Variants in RRP7A observed in about 807,000 individuals in gnomAD.
RRP7A encodes ribosomal RNA-processing protein 7 homolog A.
A neutral mutation model predicts 38.4 loss-of-function variants in RRP7A; 27 were observed. The observed-to-expected ratio is 0.70, with a 90% CI of 0.52 to 0.97. RRP7A has a LOEUF of 0.97. RRP7A is among the 50% of genes least tolerant of loss of function. RRP7A has a pLI of 0.00. For missense variants in RRP7A, 327 were observed against 375.4 expected, an observed-to-expected ratio of 0.87 and a Z score of 1.07; for synonymous variants, 124 against 150.3, an observed-to-expected ratio of 0.83 and a Z score of 1.28.
rs1454361998 is a variant in RRP7A at position 42,509,819 on chromosome 22, G to A, written c.*3091C>T. 7.3e-6 allele frequency: 1 copy of A among 136,330 alleles called. No individual in the cohort carries two copies. Among genetic ancestry groups the A allele is most frequent in the Non-Finnish European group, 1.6e-5 (1 of 62,436 alleles). The allele number at this position is 136,330 out of a possible 1,614,324, so 8.4% of individuals were successfully genotyped here. A position where few individuals can be genotyped will look rare whatever the true frequency, so the allele number is the denominator to read the frequency against. On this transcript the variant is annotated 3_prime_UTR_variant, in exon 7 of 7. Coordinates refer to ENST00000323013, the MANE Select transcript of RRP7A (RefSeq NM_015703.5). ...ACAAAGCCAGGTCATGGTTGCTCAG[G>A]ACCGGAAGCCTGTTGGGGGTGGGGG...
At chr22:42,519,523 G>C (rs1920941911) in intron 1 of RRP7A, among the ~76,000 whole-genome samples, 191 bp downstream of exon 1, 1 of 152,124 alleles carries the variant, frequency 6.6e-6, no homozygotes, top group African/African-American at 2.4e-5. Flanking sequence ...GGGAGAGTGA[G>C]CAGGCAGAAG....
At chr22:42,518,570 T>A (rs1251584130) in intron 1 of RRP7A, 8 of 456,962 alleles carry the variant, frequency 1.8e-5, no homozygotes, top group Non-Finnish European at 3.7e-5. Context: ...TCACACATGC[T>A]GGCCTCTCTA....
At chr22:42,519,587 G>T (rs910166921) in intron 1 of RRP7A, 127 bp downstream of exon 1, 1 of 797,316 alleles carries the variant, frequency 1.3e-6, no homozygotes. Context: ...GGAGCCTGGG[G>T]CCACGGGCCA....
rs3207613 is a variant in RRP7A at position 42,512,670 on chromosome 22, C to T, written c.*240G>A. On this transcript the variant is annotated 3_prime_UTR_variant, in exon 7 of 7. Coordinates refer to ENST00000323013, the MANE Select transcript of RRP7A (RefSeq NM_015703.5). ...GAGAGGAGGGTGTGGAGGCAAGAAG[C>T]AGGAAGGACAAGTCCTCCTCTCGGC... The T allele has an allele frequency of 2.5e-5, 15 of 598,108 alleles. 1 individual carries two copies. Among genetic ancestry groups the T allele is most frequent in the African/African-American group, 1.5e-4 (8 of 53,988 alleles). 37.1% of individuals were successfully genotyped at this position (598,108 alleles called of 1,614,324 possible). A position where few individuals can be genotyped will look rare whatever the true frequency, so the allele number is the denominator to read the frequency against.
rs1368218951 is a variant in RRP7A at position 42,510,481 on chromosome 22, C to T, written c.*2429G>A. 5.8e-6 allele frequency: 2 copies of T among 344,126 alleles called. No homozygotes were observed. Among genetic ancestry groups the T allele is most frequent in the Admixed American group, 9.7e-5 (2 of 20,658 alleles). The allele number at this position is 344,126 out of a possible 1,614,324, so 21.3% of individuals were successfully genotyped here. On this transcript the variant is annotated 3_prime_UTR_variant, in exon 7 of 7. Transcript: ENST00000323013. The stretch of plus-strand genomic sequence containing the variant: ...GCTGAGATTAACTGAGCCTCAAATC[C>T]AACCCAGGGTCAAGGGACCCAGCTG...
intron 5 of RRP7A, 133 bp from the exon 6 acceptor site, chr22:42,514,437 C>G (rs976861354): frequency 2.8e-5 from 22 of 774,484 alleles, no homozygotes; most frequent in Non-Finnish European, 4.3e-5. Context: ...CCTCCCAGCA[C>G]AGTGTTGGGG....
chr22:42,516,453 G>A, intron 2 of RRP7A: 1 of 413,376 alleles, frequency 2.4e-6, no homozygotes, highest in Non-Finnish European at 4.7e-6. Context: ...GGGATTACAA[G>A]CGCCCACCAC....
intron 3 of RRP7A, among the ~76,000 whole-genome samples, chr22:42,515,515 CTTCTT>C (rs1203698880): frequency 6.6e-6 from 1 of 152,230 alleles, no homozygotes; most frequent in African/African-American, 2.4e-5. Flanking sequence ...GATACAGAGG[CTTCTT>C]TTCTTCCAGT....
rs1932445432 is a variant in RRP7A, at chr22:42,511,092, CTCCTGGGCTCAAAT to C, written c.*1804_*1817del. 2.0e-5 allele frequency: 3 copies of C among 153,610 alleles called. No individual in the cohort carries two copies. In the South Asian group the frequency reaches 6.1e-4, roughly 31 times the overall value. The allele number at this position is 153,610 out of a possible 1,614,324, so 9.5% of individuals were successfully genotyped here. ...AGTCATAGCTCACTGCAGCCTCAAA[CTCCTGGGCTCAAAT>C]GATCCTCCCACCTCAGCCACCTGAG... is the stretch of plus-strand genomic sequence containing the variant. On this transcript the variant is annotated 3_prime_UTR_variant, in exon 7 of 7. Coordinates refer to ENST00000323013, the MANE Select transcript of RRP7A (RefSeq NM_015703.5).
In RRP7A at chr22:42,509,598, G is replaced by A. The variant is rs946119943; in HGVS notation, c.*3312C>T. Among the ~76,000 whole-genome samples the A allele has an allele frequency of 4.0e-5, 6 of 151,278 alleles. No individual in the cohort carries two copies. Among genetic ancestry groups the A allele is most frequent in the Non-Finnish European group, 8.8e-5 (6 of 67,808 alleles). Reference sequence around the variant, plus strand: ...CGCCTGCCTCGGCCTCCCAGTGTTGGGATTACAGGCGAGAGCCACCGTGCG... The same window carrying A: ...CGCCTGCCTCGGCCTCCCAGTGTTGAGATTACAGGCGAGAGCCACCGTGCG... On this transcript the variant is annotated 3_prime_UTR_variant, in exon 7 of 7. Transcript: ENST00000323013.
rs541624833 is a variant in RRP7A at position 42,510,125 on chromosome 22, C to T, written c.*2785G>A. The T allele has an allele frequency of 4.8e-4, 73 of 152,238 alleles. No homozygotes were observed. The East Asian group carries it at 0.013, about 28-fold the overall frequency. The allele number at this position is 152,238 out of a possible 1,614,324, so 9.4% of individuals were successfully genotyped here. ...GACTACAGGCACCCACCACCAAGCC[C>T]GGCTAATTTTTGTATTTTTAGTACA... On this transcript the variant is annotated 3_prime_UTR_variant, in exon 7 of 7. Transcript: ENST00000323013.
Position 42,512,311 on chromosome 22 carries a change from A to G in RRP7A, c.*599T>C, listed in dbSNP as rs1427595554. 2.3e-6 allele frequency: 3 copies of G among 1,301,176 alleles called. No homozygotes were observed. Among genetic ancestry groups the G allele is most frequent in the African/African-American group, 2.9e-5 (2 of 69,484 alleles). 80.6% of individuals were successfully genotyped at this position (1,301,176 alleles called of 1,614,324 possible). On this transcript the variant is annotated 3_prime_UTR_variant, in exon 7 of 7. Transcript: ENST00000323013. Reference sequence around the variant, plus strand: ...GGACTCTGAGTTCCTGAGCCCCACAACAAGGCCAGGGATGGTGGGGACAGG... The same window carrying G: ...GGACTCTGAGTTCCTGAGCCCCACAGCAAGGCCAGGGATGGTGGGGACAGG...
rs1188590573 is a variant in RRP7A at position 42,508,534 on chromosome 22, G to A, written c.*4376C>T. Among the ~76,000 whole-genome samples the A allele has an allele frequency of 6.6e-5, 10 of 152,290 alleles. No homozygotes were observed. The highest frequency in any genetic ancestry group is 2.1e-4 in the South Asian group (1 of 4,824). ...GTCACAAGACAGGGCAGGCAGGGCC[G>A]CGGAGGAGGCTGGCTGGGGCCATCA... On this transcript the variant is annotated 3_prime_UTR_variant, in exon 7 of 7. Coordinates refer to ENST00000323013, the MANE Select transcript of RRP7A (RefSeq NM_015703.5).
At position 42,514,105 on chromosome 22, in the gene RRP7A, C is replaced by A. The variant is rs759154056; in HGVS notation, c.757+1G>T. On this transcript the variant is annotated splice_donor_variant, in intron 6 of 6. Transcript: ENST00000323013. LOFTEE classifies it high-confidence loss of function. ...CTGAGGATGGACTGGGGGTGGCTTACGCTCCATCTTGCTCTCTCGATGCTG... is the reference window on the plus strand; with the variant it reads ...CTGAGGATGGACTGGGGGTGGCTTAAGCTCCATCTTGCTCTCTCGATGCTG... 4 of 1,611,554 alleles carry A rather than the reference C, an allele frequency of 2.5e-6. No individual in the cohort carries two copies. The highest frequency in any genetic ancestry group is 3.4e-6 in the Non-Finnish European group (4 of 1,179,250).
Position 42,508,973 on chromosome 22 carries a change from C to T in RRP7A, c.*3937G>A. On this transcript the variant is annotated 3_prime_UTR_variant, in exon 7 of 7. Transcript: ENST00000323013. Reference sequence around the variant, plus strand: ...ACCCCAACAGAGATGGGTTTCGTGCCCACGAGAGTGCCTGTGCCTTGTGAC... The same window carrying T: ...ACCCCAACAGAGATGGGTTTCGTGCTCACGAGAGTGCCTGTGCCTTGTGAC... 6.2e-7 allele frequency: 1 copy of T among 1,610,728 alleles called. No individual in the cohort carries two copies. Among genetic ancestry groups the T allele is most frequent in the Non-Finnish European group, 8.5e-7 (1 of 1,177,848 alleles).
rs778773648 is a variant in RRP7A at position 42,509,156 on chromosome 22, G to A, written c.*3754C>T. ...TTCAGTCACCCCCCAAGGAGACATG[G>A]GCGCCAGGAATCTCTGGGAGGGGGC... On this transcript the variant is annotated 3_prime_UTR_variant, in exon 7 of 7. Coordinates refer to ENST00000323013, the MANE Select transcript of RRP7A (RefSeq NM_015703.5). 28 of 1,612,628 alleles carry A rather than the reference G, an allele frequency of 1.7e-5. 2 individuals are homozygous for A. Among genetic ancestry groups the A allele is most frequent in the Non-Finnish European group, 2.4e-5 (28 of 1,178,972 alleles).
At position 42,511,927 on chromosome 22, in the gene RRP7A, G is replaced by A. The variant is rs533989657; in HGVS notation, c.*983C>T. ...CCCTGGGAGGCCTCCAAGTCCCTAA[G>A]GTTAGACATCTCCTGGGGTGCTATG... On this transcript the variant is annotated 3_prime_UTR_variant, in exon 7 of 7. Transcript: ENST00000323013. 58 of 669,662 alleles carry A rather than the reference G, an allele frequency of 8.7e-5. No homozygotes were observed. The East Asian group carries it at 1.4e-3, about 16-fold the overall frequency. The allele number at this position is 669,662 out of a possible 1,614,324, so 41.5% of individuals were successfully genotyped here. A position where few individuals can be genotyped will look rare whatever the true frequency, so the allele number is the denominator to read the frequency against.
chr22:42,513,067 C>A, intron 6 of RRP7A, 72 bp from the exon 7 acceptor site: 2 of 1,261,610 alleles, frequency 1.6e-6, no homozygotes, highest in Non-Finnish European at 2.3e-6. Flanking sequence ...TCATGCCCCA[C>A]CCCTCCTCCC....
intron 6 of RRP7A, among the ~76,000 whole-genome samples, chr22:42,513,817 C>T (rs911282957): frequency 1.1e-4 from 16 of 152,130 alleles, no homozygotes; most frequent in African/African-American, 3.9e-4. Context: ...TGGAGGCTGA[C>T]GAGCGCCAGC....
Sources: gnomAD v4.1 joint callset for allele counts (sites outside exome capture counted in the v4.1 genomes callset) on GRCh38, gnomAD v4.1.1 for gene constraint, MANE v1.5 for transcripts, NCBI Gene and HGNC (gene_info 2026-07-23, HGNC 2026-07-21) for gene names.